EYS: variants seen among roughly 807,000 people sequenced by gnomAD.
EYS encodes protein eyes shut homolog.
A neutral mutation model predicts 282.1 loss-of-function variants in EYS; 250 were observed. The ratio of observed to expected loss-of-function variants is 0.89; its 90% confidence interval spans 0.80 to 0.98. EYS has a LOEUF of 0.98. EYS is among the 50% of genes least tolerant of loss of function. The pLI is 0.00. For missense variants in EYS, 4,016 were observed against 3,709.0 expected, an observed-to-expected ratio of 1.08 and a Z score of -2.15; for synonymous variants, 1,355 against 1,282.9, an observed-to-expected ratio of 1.06 and a Z score of -1.20.
intron 12 of EYS, among the ~76,000 whole-genome samples, chr6:65,155,532 C>A (rs540054695): frequency 6.6e-6 from 1 of 151,514 alleles, no homozygotes; most frequent in South Asian, 2.1e-4. Context: ...GTCTTGGAAA[C>A]GTTTGCTGAA....
intron 15 of EYS, among the ~76,000 whole-genome samples, chr6:64,918,353 G>A (rs1276381613): frequency 6.6e-6 from 1 of 152,058 alleles, no homozygotes; most frequent in Non-Finnish European, 1.5e-5. Flanking sequence ...TAATAGCAAG[G>A]CAAAGTTGCT....
At chr6:64,092,512 G>A (rs1458723784) in intron 31 of EYS, among the ~76,000 whole-genome samples, 19 of 152,170 alleles carry the variant, frequency 1.2e-4, no homozygotes, top group African/African-American at 3.9e-4. Context: ...GTGATGATGA[G>A]CATTTTTTCA....
chr6:64,788,233 C>A (rs1219931631), intron 22 of EYS, among the ~76,000 whole-genome samples: 4 of 152,076 alleles, frequency 2.6e-5, no homozygotes, highest in Non-Finnish European at 5.9e-5. Context: ...AAGGAGGGAT[C>A]CGGCTGTTTC....
chr6:64,662,196 A>G (rs1256983480), intron 22 of EYS, among the ~76,000 whole-genome samples: 3 of 132,320 alleles, frequency 2.3e-5, no homozygotes, highest in African/African-American at 5.7e-5. Context: ...GAACACATGG[A>G]CACAGGAAGG....
intron 35 of EYS, among the ~76,000 whole-genome samples, chr6:63,933,163 G>A (rs1250396873): frequency 6.6e-6 from 1 of 152,154 alleles, no homozygotes; most frequent in East Asian, 1.9e-4. Context: ...CTACACAAGT[G>A]AGCTCAATGA....
In EYS at chr6:64,026,614, C is replaced by T. The variant is rs149961848; in HGVS notation, c.6726-27431G>A. Among the ~76,000 whole-genome samples the T allele has an allele frequency of 8.1e-3, 1,231 of 152,246 alleles. 15 individuals carry two copies. The highest frequency in any genetic ancestry group is 0.027 in the African/African-American group (1,134 of 41,540). ...ATACCTTATGTCCAAGCTTTCTTTT[C>T]ATTGAGGGAGAATACACAATATGCA... is the stretch of plus-strand genomic sequence containing the variant. On this transcript the variant is annotated intron_variant, in intron 33 of 42. Transcript: ENST00000503581.
At chr6:65,540,749 T>C (rs1768136704) in intron 2 of EYS, among the ~76,000 whole-genome samples, 1 of 151,970 alleles carries the variant, frequency 6.6e-6, no homozygotes, top group South Asian at 2.1e-4. Flanking sequence ...TGAAACCCCG[T>C]CTCTACTAAA....
chr6:65,668,914 C>T (rs1422408773), intron 1 of EYS, among the ~76,000 whole-genome samples: 1 of 151,894 alleles, frequency 6.6e-6, no homozygotes, highest in Non-Finnish European at 1.5e-5. Context: ...TGGGCAATTA[C>T]TGCCACTGCT....
intron 31 of EYS, among the ~76,000 whole-genome samples, chr6:64,090,215 A>T (rs1481445090): frequency 6.6e-6 from 1 of 152,086 alleles, no homozygotes; most frequent in Non-Finnish European, 1.5e-5. Context: ...TCTATTCTTA[A>T]ATCTTTTCTA....
At chr6:65,111,201 T>G (rs1775204254) in intron 12 of EYS, among the ~76,000 whole-genome samples, 1 of 152,128 alleles carries the variant, frequency 6.6e-6, no homozygotes, top group Admixed American at 6.5e-5. Flanking sequence ...ATATTATAAA[T>G]TATGACTTCT....
intron 40 of EYS, among the ~76,000 whole-genome samples, chr6:63,774,597 A>G (rs140266071): frequency 1.3e-5 from 2 of 152,334 alleles, no homozygotes; most frequent in East Asian, 3.9e-4. Flanking sequence ...GATTTTAAAT[A>G]TTCCAATCAG....
In EYS at chr6:65,089,129, G is replaced by A. The variant is rs78957672; in HGVS notation, c.2024-31402C>T. 4.6e-3 allele frequency among the ~76,000 whole-genome samples: 697 copies of A among 152,304 alleles called. 5 individuals carry two copies. The highest frequency in any genetic ancestry group is 0.016 in the African/African-American group (660 of 41,554). ...ACCTCTGTTAGGGCAGTGCAGAAGG[G>A]AAATGTGGGATTGGAACCCCCACAC... On this transcript the variant is annotated intron_variant, in intron 12 of 42. Coordinates refer to ENST00000503581, the MANE Select transcript of EYS (RefSeq NM_001142800.2).
At chr6:64,327,018 C>T (rs1042692794) in intron 29 of EYS, among the ~76,000 whole-genome samples, 11 of 151,984 alleles carry the variant, frequency 7.2e-5, no homozygotes, top group South Asian at 2.1e-4. Flanking sequence ...ATGGGGCCCA[C>T]GAGTCAGAAA....
At chr6:63,944,451 A>G (rs1010762240) in intron 35 of EYS, among the ~76,000 whole-genome samples, 2 of 152,226 alleles carry the variant, frequency 1.3e-5, no homozygotes, top group Admixed American at 6.5e-5. Flanking sequence ...AATTAAAAAC[A>G]TTATTTAAAA....
intron 29 of EYS, among the ~76,000 whole-genome samples, chr6:64,367,496 A>G (rs1197577645): frequency 1.3e-5 from 2 of 152,004 alleles, no homozygotes; most frequent in Admixed American, 6.6e-5. Flanking sequence ...GTGTTTTTGG[A>G]AAGAGAGGGA....
At chr6:63,928,445 G>A (rs1764784807) in intron 35 of EYS, among the ~76,000 whole-genome samples, 1 of 152,140 alleles carries the variant, frequency 6.6e-6, no homozygotes, top group Non-Finnish European at 1.5e-5. Context: ...CATACAATAG[G>A]TGATCAGTGA....
intron 22 of EYS, among the ~76,000 whole-genome samples, chr6:64,686,092 C>A (rs78883307): frequency 0.029 from 4,317 of 146,830 alleles, 123 homozygotes; most frequent in East Asian, 0.15. Context: ...ATACTTTTAA[C>A]ATTAAAAACA....
chr6:64,052,648 C>G lies in EYS; in HGVS notation c.6725+13690G>C, dbSNP rs564303033. ...CTTGATATGGTTTGGCTCTGTGTCTCCACCTGAATCTCATCCTGAATTGTA... is the reference window on the plus strand; with the variant it reads ...CTTGATATGGTTTGGCTCTGTGTCTGCACCTGAATCTCATCCTGAATTGTA... On this transcript the variant is annotated intron_variant, in intron 33 of 42. Coordinates refer to ENST00000503581, the MANE Select transcript of EYS (RefSeq NM_001142800.2). Among the ~76,000 whole-genome samples the G allele has an allele frequency of 5.6e-4, 85 of 152,232 alleles. 2 individuals carry two copies. The South Asian group carries it at 0.017, about 31-fold the overall frequency.
chr6:64,953,369 T>TA (rs1308809807), intron 14 of EYS, among the ~76,000 whole-genome samples: 1 of 151,786 alleles, frequency 6.6e-6, no homozygotes, highest in African/African-American at 2.4e-5. Flanking sequence ...TTTGCTTTAA[T>TA]AAAAAAACTT....
Sources: allele counts gnomAD v4.1 joint callset (sites outside exome capture counted in the v4.1 genomes callset), GRCh38; gene constraint gnomAD v4.1.1; transcripts MANE v1.5; gene names NCBI Gene and HGNC (gene_info 2026-07-23, HGNC 2026-07-21).